The following TRPM3 variants were observed in gnomAD, a reference collection of about 807,000 sequenced individuals.
The protein encoded by TRPM3 is long transient receptor potential channel 3.
A neutral mutation model predicts 181.2 loss-of-function variants in TRPM3; 77 were observed. That is an observed-to-expected ratio of 0.42 (90% CI 0.35 to 0.51). The LOEUF is 0.51. Among genes scored for constraint, TRPM3 ranks in the 20% least tolerant of loss-of-function variants. The pLI is 0.01. For synonymous variants in TRPM3, 745 were observed against 796.4 expected, an observed-to-expected ratio of 0.94 and a Z score of 1.09; for missense variants, 1,759 against 2,196.7, an observed-to-expected ratio of 0.80 and a Z score of 3.98.
chr9:71,169,790 G>C (rs1042372825), intron 1 of TRPM3, among the ~76,000 whole-genome samples: 1 of 151,478 alleles, frequency 6.6e-6, no homozygotes, highest in Non-Finnish European at 1.5e-5. Flanking sequence ...CCCCTTCTCG[G>C]TTTAGTATAA....
chr9:71,028,470 C>A (rs1209367156), intron 1 of TRPM3, among the ~76,000 whole-genome samples: 2 of 152,080 alleles, frequency 1.3e-5, no homozygotes, highest in Admixed American at 1.3e-4. Flanking sequence ...TCAATACTAA[C>A]CTTGAATGCA....
At chr9:70,646,554 G>T (rs1433516295) in intron 9 of TRPM3, among the ~76,000 whole-genome samples, 2 of 151,898 alleles carry the variant, frequency 1.3e-5, no homozygotes, top group African/African-American at 4.8e-5. Flanking sequence ...AACATCACAC[G>T]CCAGGGCCTG....
intron 22 of TRPM3, among the ~76,000 whole-genome samples, chr9:70,581,771 T>C (rs2055764590): frequency 1.3e-5 from 2 of 152,174 alleles, no homozygotes; most frequent in Non-Finnish European, 2.9e-5. Flanking sequence ...GGCTCAGAGC[T>C]GGTGGGGCTG....
intron 1 of TRPM3, among the ~76,000 whole-genome samples, chr9:71,336,224 A>C (rs1357520352): frequency 6.6e-6 from 1 of 151,946 alleles, no homozygotes; most frequent in African/African-American, 2.4e-5. Flanking sequence ...TGACCAGCCC[A>C]AAATCTCCTT....
chr9:70,880,281 A>G (rs2095963554), intron 1 of TRPM3, among the ~76,000 whole-genome samples: 1 of 152,094 alleles, frequency 6.6e-6, no homozygotes, highest in South Asian at 2.1e-4. Flanking sequence ...TTGCCCATCA[A>G]TTATGTTTTC....
At position 70,827,911 on chromosome 9, in the gene TRPM3, A is replaced by G. The variant is rs1245499348; in HGVS notation, c.909T>C (p.Tyr303=). The change falls in exon 6 of 26, where the codon TAT becomes TAC. Residue 303 remains tyrosine (Y), a synonymous_variant. Transcript: ENST00000677713. ...GTCTTCGAAGTTTCACCTCTGCTCC[A>G]TATTTTCCAGTGGTCCCGTTGTCAG... ...ILADNGTTGK[Y]GAEVKLRRQL... 1.1e-5 allele frequency: 17 copies of G among 1,614,182 alleles called. No homozygotes were observed. Among genetic ancestry groups the G allele is most frequent in the Admixed American group, 1.7e-5 (1 of 60,034 alleles).
At chr9:70,818,841 G>C (rs970240337) in intron 6 of TRPM3, among the ~76,000 whole-genome samples, 3 of 152,220 alleles carry the variant, frequency 2.0e-5, no homozygotes, top group African/African-American at 7.2e-5. Context: ...AGTGAAATTA[G>C]ATATGAGGAA....
intron 1 of TRPM3, among the ~76,000 whole-genome samples, chr9:71,220,194 C>T (rs1423000316): frequency 6.6e-6 from 1 of 152,028 alleles, no homozygotes; most frequent in Non-Finnish European, 1.5e-5. Context: ...GTAGTTTATC[C>T]CATATTTGAC....
intron 12 of TRPM3, among the ~76,000 whole-genome samples, chr9:70,633,856 C>G (rs2133440862): frequency 6.6e-6 from 1 of 152,212 alleles, no homozygotes; most frequent in Middle Eastern, 3.4e-3. Flanking sequence ...AGAATTGTTA[C>G]CAAGTGGCGA....
chr9:71,272,155 T>C (rs2083851010), intron 1 of TRPM3, among the ~76,000 whole-genome samples: 1 of 152,100 alleles, frequency 6.6e-6, no homozygotes, highest in Non-Finnish European at 1.5e-5. Context: ...AGTGTTTGGG[T>C]ATGGGGTTAT....
At chr9:71,025,154 A>G (rs2097883805) in intron 1 of TRPM3, among the ~76,000 whole-genome samples, 1 of 152,216 alleles carries the variant, frequency 6.6e-6, no homozygotes, top group South Asian at 2.1e-4. Context: ...TAGGTAATGC[A>G]ATACTCATTC....
intron 1 of TRPM3, among the ~76,000 whole-genome samples, chr9:71,222,023 G>A (rs1002102618): frequency 6.6e-6 from 1 of 152,116 alleles, no homozygotes; most frequent in Non-Finnish European, 1.5e-5. Context: ...ACTAGCTCTT[G>A]AAAAGCAAGA....
At chr9:70,982,027 T>A (rs1406619592) in intron 1 of TRPM3, among the ~76,000 whole-genome samples, 1 of 152,152 alleles carries the variant, frequency 6.6e-6, no homozygotes, top group African/African-American at 2.4e-5. Context: ...TTCTCAAACC[T>A]TGAAACACTG....
intron 18 of TRPM3, among the ~76,000 whole-genome samples, chr9:70,614,312 TC>T: frequency 1.4e-5 from 1 of 70,052 alleles, no homozygotes; most frequent in Non-Finnish European, 3.0e-5. Flanking sequence ...CTGGGCAATC[TC>T]TTAAAAAAAA....
intron 1 of TRPM3, among the ~76,000 whole-genome samples, chr9:71,050,639 C>T (rs890996263): frequency 2.6e-5 from 4 of 152,140 alleles, no homozygotes; most frequent in Admixed American, 2.6e-4. Context: ...AGAAGTGTTA[C>T]TTTCCTTAAA....
chr9:71,359,292 T>G (rs1195917547), intron 1 of TRPM3, among the ~76,000 whole-genome samples: 1 of 152,170 alleles, frequency 6.6e-6, no homozygotes, highest in Non-Finnish European at 1.5e-5. Context: ...GAGGTGGGTG[T>G]GTATGTGCGC....
intron 1 of TRPM3, among the ~76,000 whole-genome samples, chr9:71,092,606 A>C (rs1056748992): frequency 6.6e-6 from 1 of 152,164 alleles, no homozygotes; most frequent in African/African-American, 2.4e-5. Flanking sequence ...AAGAATAACA[A>C]AGACAGAATA....
intron 1 of TRPM3, among the ~76,000 whole-genome samples, chr9:71,152,920 A>T (rs2075807421): frequency 6.6e-6 from 1 of 152,192 alleles, no homozygotes; most frequent in African/African-American, 2.4e-5. Context: ...CCCTGCTGAA[A>T]GTCTAGTAGG....
chr9:71,094,179 AG>A (rs2066720374), intron 1 of TRPM3, among the ~76,000 whole-genome samples: 2 of 152,106 alleles, frequency 1.3e-5, no homozygotes, highest in Admixed American at 1.3e-4. Context: ...TGATAAGTGC[AG>A]CAAACCACCA....
Sources: gnomAD v4.1 joint callset for allele counts (sites outside exome capture counted in the v4.1 genomes callset) on GRCh38, gnomAD v4.1.1 for gene constraint, MANE v1.5 for transcripts, NCBI Gene and HGNC (gene_info 2026-07-23, HGNC 2026-07-21) for gene names.